Variants in MEIOC observed in about 807,000 individuals in gnomAD.
The protein encoded by MEIOC is meiosis-specific coiled-coil domain-containing protein MEIOC.
Under a neutral mutation model 85.3 loss-of-function variants are expected in MEIOC, and 9 were observed. The observed-to-expected ratio is 0.11, with a 90% CI of 0.06 to 0.18. The LOEUF is 0.18. Ranked by LOEUF, MEIOC falls within the 10% of genes least tolerant of loss-of-function variation. The pLI is 1.00. For missense variants in MEIOC, 898 were observed against 1,129.4 expected (o/e 0.80, Z 2.94); for synonymous variants, 365 against 393.7 (o/e 0.93, Z 0.86).
chr17:44,664,689 C>A (rs1395329129), intron 3 of MEIOC, among the ~76,000 whole-genome samples: 1 of 152,092 alleles, frequency 6.6e-6, no homozygotes, highest in Non-Finnish European at 1.5e-5. Context: ...AGAAATTACC[C>A]AAAAACTGTA....
chr17:44,667,652 A>G lies in MEIOC; in HGVS notation c.1741A>G (p.Lys581Glu), dbSNP rs770485385. 1 of 1,612,604 alleles carries G rather than the reference A, an allele frequency of 6.2e-7. No homozygotes were observed. Among genetic ancestry groups the G allele is most frequent in the Non-Finnish European group, 8.5e-7 (1 of 1,179,220 alleles). ...TCTCTTCAAATTGGTTACGGATAAA[A>G]AAATAAAGCAGCCAAATGGATTTTG... ...ENLFKLVTDK[K>E]IKQPNGFCDN... The change falls in exon 5 of 8, where the codon AAA becomes GAA. Residue 581 changes from lysine to glutamate, a missense_variant. Lys to Glu is a moderately conservative substitution (Grantham distance 56). Transcript: ENST00000409122.
intron 2 of MEIOC, among the ~76,000 whole-genome samples, chr17:44,660,815 C>G (rs185324022): frequency 6.6e-6 from 1 of 151,874 alleles, no homozygotes; most frequent in Non-Finnish European, 1.5e-5. Flanking sequence ...ACCCAAGGCC[C>G]GGCAAAGTGA....
chr17:44,663,096 AT>A, intron 3 of MEIOC, among the ~76,000 whole-genome samples: 1 of 152,226 alleles, frequency 6.6e-6, no homozygotes, highest in African/African-American at 2.4e-5. Context: ...TAAATTTTCC[AT>A]TTTTTTCCTT....
rs1972047360 is a variant in MEIOC, at chr17:44,674,302, T to C, written c.*106T>C. 1.4e-6 allele frequency: 2 copies of C among 1,443,384 alleles called. No individual in the cohort carries two copies. Among genetic ancestry groups the C allele is most frequent in the Admixed American group, 2.7e-5 (1 of 36,708 alleles). The allele number at this position is 1,443,384 out of a possible 1,614,324, so 89.4% of individuals were successfully genotyped here. A position where few individuals can be genotyped will look rare whatever the true frequency, so the allele number is the denominator to read the frequency against. On this transcript the variant is annotated 3_prime_UTR_variant, in exon 8 of 8. Transcript: ENST00000409122. The stretch of plus-strand genomic sequence containing the variant: ...CTTTCAGTATGTTTTCTTTCAGATT[T>C]AAAGTTAATACCAGTACCTTAATGA...
chr17:44,660,206 A>G (rs887517067), intron 2 of MEIOC, among the ~76,000 whole-genome samples: 8 of 151,870 alleles, frequency 5.3e-5, no homozygotes, highest in African/African-American at 1.7e-4. Flanking sequence ...AGCCAGAATT[A>G]TATCTTTTCC....
chr17:44,671,959 GAAA>G (rs200118904), intron 6 of MEIOC, among the ~76,000 whole-genome samples: 2 of 149,918 alleles, frequency 1.3e-5, no homozygotes, highest in African/African-American at 4.9e-5. Flanking sequence ...GTAGAATTTT[GAAA>G]AAAAAATATT....
chr17:44,657,041 C>G (rs1183028725), intron 1 of MEIOC, 86 bp from the exon 2 acceptor site: 3 of 1,439,678 alleles, frequency 2.1e-6, no homozygotes, highest in Non-Finnish European at 2.8e-6. Flanking sequence ...GCCGAACAGC[C>G]GAGGTAGAAC....
intron 2 of MEIOC, 128 bp downstream of exon 2, chr17:44,657,389 T>G: frequency 1.1e-6 from 1 of 934,180 alleles, no homozygotes. Flanking sequence ...TTTTTTTTTT[T>G]TTTTTTTTTT....
Position 44,675,428 on chromosome 17 carries a change from A to G in MEIOC, c.*1232A>G. 1.0e-6 allele frequency: 1 copy of G among 971,866 alleles called. No individual in the cohort carries two copies. The highest frequency in any genetic ancestry group is 1.8e-5 in the African/African-American group (1 of 57,102). The allele number at this position is 971,866 out of a possible 1,614,324, so 60.2% of individuals were successfully genotyped here. A position where few individuals can be genotyped will look rare whatever the true frequency, so the allele number is the denominator to read the frequency against. Reference sequence around the variant, plus strand: ...GCATGAGTTAAACTATAATGTACTGATGAAATTTAATTGAAATATCCTTGA... The same window carrying G: ...GCATGAGTTAAACTATAATGTACTGGTGAAATTTAATTGAAATATCCTTGA... On this transcript the variant is annotated 3_prime_UTR_variant, in exon 8 of 8. Coordinates refer to ENST00000409122, the MANE Select transcript of MEIOC (RefSeq NM_001145080.3).
chr17:44,670,531 A>C (rs1260374612), intron 6 of MEIOC: 1 of 70,490 alleles, frequency 1.4e-5, no homozygotes, highest in African/African-American at 4.0e-5. Flanking sequence ...GGGAATTACT[A>C]TCTTTCCTTT....
chr17:44,673,992 T>C lies in MEIOC; in HGVS notation c.2655T>C (p.Ala885=), dbSNP rs1480353263. ...ATTTTACAGATGTTTTTGCCCTTGC[T>C]TCTGCAATTAAAGAGATGTGTGTGG... The part of the protein sequence containing the change: ...CQDDRDVFAL[A]SAIKEMCVAT... Residue 885 remains alanine, a synonymous_variant, in exon 8 of 8, where the codon GCT becomes GCC. Transcript: ENST00000409122. 2 of 1,551,414 alleles carry C rather than the reference T, an allele frequency of 1.3e-6. No individual in the cohort carries two copies. Among genetic ancestry groups the C allele is most frequent in the Non-Finnish European group, 1.7e-6 (2 of 1,146,852 alleles).
chr17:44,663,125 C>T (rs963008571), intron 3 of MEIOC, among the ~76,000 whole-genome samples: 1 of 152,144 alleles, frequency 6.6e-6, no homozygotes, highest in African/African-American at 2.4e-5. Context: ...CTACAACAAA[C>T]AGGGTTTTAT....
intron 6 of MEIOC, 76 bp downstream of exon 6, chr17:44,669,593 C>A (rs1971969412): frequency 4.9e-6 from 7 of 1,433,270 alleles, no homozygotes; most frequent in South Asian, 1.2e-5. Context: ...GGCGTGGTGG[C>A]TCACTCCTGT....
chr17:44,668,729 G>A (rs1039761336), intron 5 of MEIOC, among the ~76,000 whole-genome samples: 1 of 152,164 alleles, frequency 6.6e-6, no homozygotes. Flanking sequence ...ACTAAAAATG[G>A]ATGGGGTTGG....
downstream of MEIOC, chr17:44,677,050 T>C: frequency 1.5e-6 from 1 of 672,484 alleles, no homozygotes; most frequent in Non-Finnish European, 1.8e-6. Context: ...CAGGGGACCG[T>C]GGATATAACC....
rs1971854386 is a variant in MEIOC, at chr17:44,662,422, G to A, written c.310G>A (p.Gly104Arg). 3 of 1,548,450 alleles carry A rather than the reference G, an allele frequency of 1.9e-6. No individual in the cohort carries two copies. In the African/African-American group the frequency reaches 4.1e-5, roughly 21 times the overall value. The change falls in exon 3 of 8, where the codon GGA becomes AGA. Residue 104 changes from glycine to arginine, a missense_variant. Physicochemically the swap from Gly to Arg is moderately radical, Grantham distance 125. Transcript: ENST00000409122. ...SLFCAPWSTY[G>R]DDIKQPSNSQ... ...TTTCTGTGCACCATGGTCTACTTATGGAGATGACATTAAACAACCTTCTAA... is the reference window on the plus strand; with the variant it reads ...TTTCTGTGCACCATGGTCTACTTATAGAGATGACATTAAACAACCTTCTAA...
In MEIOC at chr17:44,657,247, T is replaced by G. The variant is rs923991351; in HGVS notation, c.190T>G (p.Cys64Gly). 2 of 1,552,018 alleles carry G rather than the reference T, an allele frequency of 1.3e-6. No homozygotes were observed. The highest frequency in any genetic ancestry group is 1.7e-6 in the Non-Finnish European group (2 of 1,146,888). Residue 64 changes from cysteine (C) to glycine (G), a missense_variant, in exon 2 of 8, where the codon TGC becomes GGC. Coordinates refer to ENST00000409122, the MANE Select transcript of MEIOC (RefSeq NM_001145080.3). ...GACTGGCTCCGCTTCCTTCTACGAT[T>G]GCTACACATCGCAGGTCCTTTAGTA... ...MLTGSASFYD[C>G]YTSQSEDNVD...
At position 44,675,324 on chromosome 17, in the gene MEIOC, T is replaced by C; in HGVS notation, c.*1128T>C. On this transcript the variant is annotated 3_prime_UTR_variant, in exon 8 of 8. Transcript: ENST00000409122. ...TTTCTCATCACTTAGTATCTTTGTA[T>C]AGAACTTGAGTAATTTATTCGTTAA... The C allele has an allele frequency of 5.1e-6, 5 of 972,042 alleles. No homozygotes were observed. The highest frequency in any genetic ancestry group is 6.1e-6 in the Non-Finnish European group (5 of 817,782). 60.2% of individuals were successfully genotyped at this position (972,042 alleles called of 1,614,324 possible).
chr17:44,665,420 A>G lies in MEIOC; in HGVS notation c.396A>G (p.Thr132=), dbSNP rs1036125193. The part of the protein sequence containing the change: ...QTERNDYGSE[T]DLYGLVSNIL... ...AAAGAAATGACTATGGCAGTGAAAC[A>G]GACTTATATGGACTTGTGTCTAACA... Residue 132 remains threonine (T), a synonymous_variant, in exon 4 of 8, where the codon ACA becomes ACG. Coordinates refer to ENST00000409122, the MANE Select transcript of MEIOC (RefSeq NM_001145080.3). 1.9e-6 allele frequency: 3 copies of G among 1,544,108 alleles called. No homozygotes were observed. In the African/African-American group the frequency reaches 4.1e-5, roughly 21 times the overall value.
Sources: gnomAD v4.1 joint callset for allele counts (sites outside exome capture counted in the v4.1 genomes callset) on GRCh38, gnomAD v4.1.1 for gene constraint, MANE v1.5 for transcripts, NCBI Gene and HGNC (gene_info 2026-07-23, HGNC 2026-07-21) for gene names.